The following SDK1 variants were observed in gnomAD, a reference collection of about 807,000 sequenced individuals.
SDK1 encodes sidekick cell adhesion molecule 1, also known as protein sidekick-1.
A neutral mutation model predicts 245.5 loss-of-function variants in SDK1; 157 were observed. That is an observed-to-expected ratio of 0.64 (90% CI 0.56 to 0.73). The LOEUF is 0.73. Ranked by LOEUF, SDK1 falls within the 30% of genes least tolerant of loss-of-function variation. SDK1 has a pLI of 0.00. For missense variants in SDK1, 3,583 were observed against 3,002.3 expected (o/e 1.19, Z -4.52); for synonymous variants, 1,647 against 1,278.5 (o/e 1.29, Z -6.15).
intron 1 of SDK1, among the ~76,000 whole-genome samples, chr7:3,606,639 G>C (rs932363395): frequency 1.3e-5 from 2 of 152,102 alleles, no homozygotes; most frequent in Non-Finnish European, 1.5e-5. Flanking sequence ...GGAAACCTGA[G>C]TGCATGACTC....
intron 1 of SDK1, among the ~76,000 whole-genome samples, chr7:3,493,800 A>G (rs959254312): frequency 2.0e-5 from 3 of 152,218 alleles, no homozygotes; most frequent in African/African-American, 7.2e-5. Flanking sequence ...TGGATTTGCT[A>G]TAGTAGACCA....
chr7:3,419,911 G>A (rs1325562811), intron 1 of SDK1, among the ~76,000 whole-genome samples: 1 of 152,172 alleles, frequency 6.6e-6, no homozygotes, highest in Non-Finnish European at 1.5e-5. Context: ...AGATAAATAA[G>A]TAAAATTGGA....
chr7:4,187,659 A>G (rs1008946439), intron 35 of SDK1, among the ~76,000 whole-genome samples: 1 of 152,248 alleles, frequency 6.6e-6, no homozygotes, highest in African/African-American at 2.4e-5. Flanking sequence ...AAACTGAGAC[A>G]CAAAATGTTA....
In SDK1 at chr7:3,353,270, T is replaced by C. The variant is rs534827076; in HGVS notation, c.298+51386T>C. On this transcript the variant is annotated intron_variant, in intron 1 of 44. Coordinates refer to ENST00000404826, the MANE Select transcript of SDK1 (RefSeq NM_152744.4). Reference sequence around the variant, plus strand: ...TTAAAGTGCTTGACTTAATTCTGAATAGCCACTTACAAACTTTGATGAGTA... The same window carrying C: ...TTAAAGTGCTTGACTTAATTCTGAACAGCCACTTACAAACTTTGATGAGTA... Among the ~76,000 whole-genome samples, 21 of 152,320 alleles carry C rather than the reference T, an allele frequency of 1.4e-4. No individual in the cohort carries two copies. The South Asian group carries it at 4.1e-3, about 30-fold the overall frequency.
chr7:3,806,847 T>C (rs1292572897), intron 4 of SDK1, among the ~76,000 whole-genome samples: 1 of 152,150 alleles, frequency 6.6e-6, no homozygotes, highest in Non-Finnish European at 1.5e-5. Flanking sequence ...TCCAGTTTTT[T>C]CCCGTTTTTA....
rs1298119098 is a variant in SDK1, at chr7:3,505,629, G to C, written c.299-113451G>C. 3.9e-5 allele frequency among the ~76,000 whole-genome samples: 6 copies of C among 152,100 alleles called. No individual in the cohort carries two copies. In the South Asian group the frequency reaches 1.3e-3, roughly 32 times the overall value. ...TATATAGTTGGCCCTTGAAAACATGGGTTTGAATTGCATGGGTCCACTTGT... is the reference window on the plus strand; with the variant it reads ...TATATAGTTGGCCCTTGAAAACATGCGTTTGAATTGCATGGGTCCACTTGT... On this transcript the variant is annotated intron_variant, in intron 1 of 44. Coordinates refer to ENST00000404826, the MANE Select transcript of SDK1 (RefSeq NM_152744.4).
At chr7:3,308,548 CAGAT>C (rs75356570) in intron 1 of SDK1, among the ~76,000 whole-genome samples, 28,336 of 151,720 alleles carry the variant, frequency 0.19, 2,638 homozygotes, top group African/African-American at 0.23. Flanking sequence ...TTCTTGAAAA[CAGAT>C]AGTCAGGTAA....
intron 22 of SDK1, among the ~76,000 whole-genome samples, chr7:4,086,195 C>G (rs1781417079): frequency 1.3e-5 from 2 of 152,180 alleles, no homozygotes; most frequent in South Asian, 4.1e-4. Flanking sequence ...GTCCTTTCTT[C>G]TCACACCTGC....
intron 1 of SDK1, among the ~76,000 whole-genome samples, chr7:3,436,585 T>C (rs1414273716): frequency 6.6e-6 from 1 of 152,184 alleles, no homozygotes; most frequent in Non-Finnish European, 1.5e-5. Flanking sequence ...AAATTTTAAA[T>C]AGAAAATGAA....
At chr7:4,175,226 A>G (rs564917102) in intron 33 of SDK1, among the ~76,000 whole-genome samples, 17 of 152,326 alleles carry the variant, frequency 1.1e-4, no homozygotes, top group African/African-American at 4.1e-4. Context: ...AAATTGCAGC[A>G]CTGGTGTCTG....
Position 3,994,592 on chromosome 7 carries a change from C to T in SDK1, c.2131+7270C>T, listed in dbSNP as rs566649662. On this transcript the variant is annotated intron_variant, in intron 14 of 44. Coordinates refer to ENST00000404826, the MANE Select transcript of SDK1 (RefSeq NM_152744.4). Reference sequence around the variant, plus strand: ...AGGAGTTCAAGGCTGCAGTGAGCCGCGATCGCACCAAGGCACTCCAGCCTG... The same window carrying T: ...AGGAGTTCAAGGCTGCAGTGAGCCGTGATCGCACCAAGGCACTCCAGCCTG... 5.4e-5 allele frequency among the ~76,000 whole-genome samples: 8 copies of T among 148,728 alleles called. No individual in the cohort carries two copies. The South Asian group carries it at 8.5e-4, about 16-fold the overall frequency.
At chr7:3,967,757 A>G (rs1388623196) in intron 10 of SDK1, among the ~76,000 whole-genome samples, 1 of 152,124 alleles carries the variant, frequency 6.6e-6, no homozygotes, top group African/African-American at 2.4e-5. Flanking sequence ...TCCTATGAGA[A>G]TCTAATGCTG....
intron 35 of SDK1, among the ~76,000 whole-genome samples, chr7:4,204,509 G>T (rs768772632): frequency 6.6e-6 from 1 of 152,096 alleles, no homozygotes; most frequent in Non-Finnish European, 1.5e-5. Flanking sequence ...TTCTGCGCTG[G>T]GGGGAGAGAG....
chr7:3,479,329 G>C (rs1157796051), intron 1 of SDK1, among the ~76,000 whole-genome samples: 54 of 148,782 alleles, frequency 3.6e-4, no homozygotes, highest in Non-Finnish European at 7.4e-5. Context: ...GGCTGAGGCA[G>C]GAGAATCGAT....
chr7:3,981,060 C>T (rs1024736867), intron 13 of SDK1, among the ~76,000 whole-genome samples: 4 of 152,156 alleles, frequency 2.6e-5, no homozygotes, highest in African/African-American at 7.2e-5. Flanking sequence ...TGGAGGTTTG[C>T]AGCAACCCTG....
intron 1 of SDK1, among the ~76,000 whole-genome samples, chr7:3,476,540 G>T (rs998701000): frequency 6.6e-6 from 1 of 152,144 alleles, no homozygotes; most frequent in Admixed American, 6.5e-5. Flanking sequence ...AAAGTTTGGG[G>T]TCATATAGGA....
At chr7:3,416,222 T>C (rs1279792917) in intron 1 of SDK1, among the ~76,000 whole-genome samples, 1 of 152,292 alleles carries the variant, frequency 6.6e-6, no homozygotes, top group African/African-American at 2.4e-5. Context: ...TAGGTAGTTG[T>C]AGAAAGAAAG....
chr7:3,929,913 T>C (rs1412435131), intron 5 of SDK1, among the ~76,000 whole-genome samples: 1 of 152,114 alleles, frequency 6.6e-6, no homozygotes, highest in Non-Finnish European at 1.5e-5. Flanking sequence ...TCAGGAAGCT[T>C]TTACCCATGA....
chr7:3,452,082 T>C (rs1780531784), intron 1 of SDK1, among the ~76,000 whole-genome samples: 1 of 152,236 alleles, frequency 6.6e-6, no homozygotes, highest in South Asian at 2.1e-4. Context: ...ATTGTATAAA[T>C]TCTTTAAGGA....
Sources: allele counts gnomAD v4.1 joint callset (sites outside exome capture counted in the v4.1 genomes callset), GRCh38; gene constraint gnomAD v4.1.1; transcripts MANE v1.5; gene names NCBI Gene and HGNC (gene_info 2026-07-23, HGNC 2026-07-21).